JAKMIP2: variants seen among roughly 807,000 people sequenced by gnomAD.
JAKMIP2 encodes janus kinase and microtubule interacting protein 2, also known as janus kinase and microtubule-interacting protein 2.
In JAKMIP2, 25 loss-of-function variants were observed where a neutral mutation model predicts 115.0. The ratio of observed to expected loss-of-function variants is 0.22; its 90% CI spans 0.16 to 0.30. The LOEUF is 0.30. Ranked by LOEUF, JAKMIP2 falls within the 10% of genes least tolerant of loss-of-function variation. JAKMIP2 has a pLI of 1.00. For missense variants in JAKMIP2, 642 were observed against 957.6 expected (o/e 0.67, Z 4.35); for synonymous variants, 334 against 343.6 (o/e 0.97, Z 0.31).
intron 17 of JAKMIP2, among the ~76,000 whole-genome samples, chr5:147,622,281 C>A (rs531986062): frequency 6.6e-6 from 1 of 152,108 alleles, no homozygotes; most frequent in Non-Finnish European, 1.5e-5. Flanking sequence ...ACATTTACAA[C>A]CTTACTCATT....
intron 1 of JAKMIP2, among the ~76,000 whole-genome samples, chr5:147,771,528 AT>A (rs1561586477): frequency 6.6e-6 from 1 of 152,108 alleles, no homozygotes; most frequent in Non-Finnish European, 1.5e-5. Flanking sequence ...AATAGTTCCT[AT>A]TTGCTAATAT....
intron 1 of JAKMIP2, among the ~76,000 whole-genome samples, chr5:147,697,725 G>T (rs572605854): frequency 6.6e-6 from 1 of 152,346 alleles, no homozygotes; most frequent in Non-Finnish European, 1.5e-5. Context: ...TGATGAGCCT[G>T]CTGGTGCATA....
intron 1 of JAKMIP2, among the ~76,000 whole-genome samples, chr5:147,780,672 A>G (rs746082680): frequency 1.3e-5 from 2 of 152,192 alleles, no homozygotes; most frequent in Non-Finnish European, 2.9e-5. Context: ...CACATGCACA[A>G]TTGAGTCACC....
chr5:147,667,996 A>G (rs1759388943), intron 2 of JAKMIP2, among the ~76,000 whole-genome samples: 1 of 152,186 alleles, frequency 6.6e-6, no homozygotes, highest in Admixed American at 6.5e-5. Context: ...CTTGGAGCAA[A>G]TGAGTTAAAC....
intron 1 of JAKMIP2, among the ~76,000 whole-genome samples, chr5:147,696,536 G>C (rs1374387481): frequency 1.3e-5 from 2 of 152,118 alleles, no homozygotes; most frequent in Non-Finnish European, 2.9e-5. Flanking sequence ...ACCCAGTCTT[G>C]GGTATTTCTT....
chr5:147,591,350 G>C lies in JAKMIP2; in HGVS notation c.*357C>G, dbSNP rs1755087768. 1.0e-5 allele frequency: 3 copies of C among 296,812 alleles called. No individual in the cohort carries two copies. Among genetic ancestry groups the C allele is most frequent in the Non-Finnish European group, 1.8e-5 (3 of 162,780 alleles). The allele number at this position is 296,812 out of a possible 1,614,324, so 18.4% of individuals were successfully genotyped here. A position where few individuals can be genotyped will look rare whatever the true frequency, so the allele number is the denominator to read the frequency against. ...GGGTTGAATATTTCATTGTAACTTTGGTTCCATGCCCAAGACACATCTTTG... is the reference window on the plus strand; with the variant it reads ...GGGTTGAATATTTCATTGTAACTTTCGTTCCATGCCCAAGACACATCTTTG... On this transcript the variant is annotated 3_prime_UTR_variant, in exon 22 of 22. Transcript: ENST00000616793.
intron 1 of JAKMIP2, among the ~76,000 whole-genome samples, chr5:147,739,763 T>C (rs1754071119): frequency 1.3e-5 from 2 of 152,010 alleles, no homozygotes; most frequent in South Asian, 4.2e-4. Flanking sequence ...CAAGAAGACA[T>C]CCTTTCCCGC....
intron 5 of JAKMIP2, among the ~76,000 whole-genome samples, chr5:147,647,463 G>A (rs1758184537): frequency 6.6e-6 from 1 of 152,028 alleles, no homozygotes; most frequent in Non-Finnish European, 1.5e-5. Context: ...TGTACCACAA[G>A]TGATGATAAA....
intron 1 of JAKMIP2, among the ~76,000 whole-genome samples, chr5:147,687,516 G>A (rs966743292): frequency 6.6e-6 from 1 of 152,108 alleles, no homozygotes; most frequent in Non-Finnish European, 1.5e-5. Flanking sequence ...TTTGCCCTGT[G>A]GTCCTGGCAA....
chr5:147,597,907 C>T (rs1372075830), intron 21 of JAKMIP2, among the ~76,000 whole-genome samples: 1 of 152,150 alleles, frequency 6.6e-6, no homozygotes. Flanking sequence ...GGGACTTGCA[C>T]CAGCAGCCTC....
intron 2 of JAKMIP2, among the ~76,000 whole-genome samples, chr5:147,667,304 A>C (rs1490977362): frequency 1.3e-5 from 2 of 152,214 alleles, no homozygotes; most frequent in African/African-American, 4.8e-5. Context: ...AGGAAAGGTT[A>C]CACTATGACA....
chr5:147,719,043 TTG>T (rs1439610829), intron 1 of JAKMIP2, among the ~76,000 whole-genome samples: 2 of 139,640 alleles, frequency 1.4e-5, no homozygotes, highest in Non-Finnish European at 1.5e-5. Context: ...TTCTGGTATG[TTG>T]TGTCTTTGTT....
At chr5:147,752,126 T>C in intron 1 of JAKMIP2, among the ~76,000 whole-genome samples, 1 of 152,158 alleles carries the variant, frequency 6.6e-6, no homozygotes. Flanking sequence ...CAGGAAGGCT[T>C]CTCTCAGGGA....
At chr5:147,610,559 C>CA (rs1756262941) in intron 20 of JAKMIP2, among the ~76,000 whole-genome samples, 1 of 152,210 alleles carries the variant, frequency 6.6e-6, no homozygotes, top group Non-Finnish European at 1.5e-5. Flanking sequence ...ATGGAAGCTT[C>CA]GTCCCTGAAG....
chr5:147,663,886 A>C (rs1759160389), intron 2 of JAKMIP2, among the ~76,000 whole-genome samples: 1 of 151,972 alleles, frequency 6.6e-6, no homozygotes, highest in South Asian at 2.1e-4. Flanking sequence ...TAGGCTCTAG[A>C]CTTGTGCTTG....
chr5:147,697,426 G>A (rs187010548), intron 1 of JAKMIP2, among the ~76,000 whole-genome samples: 113 of 152,290 alleles, frequency 7.4e-4, no homozygotes, highest in African/African-American at 2.6e-3. Context: ...TTTGAATGGG[G>A]ACACAGCCAA....
Position 147,746,914 on chromosome 5 carries a change from G to A in JAKMIP2, c.-149+35542C>T, listed in dbSNP as rs570615882. Among the ~76,000 whole-genome samples, 7 of 152,144 alleles carry A rather than the reference G, an allele frequency of 4.6e-5. No homozygotes were observed. In the South Asian group the frequency reaches 1.2e-3, roughly 27 times the overall value. The stretch of plus-strand genomic sequence containing the variant: ...CTATTTATTCTGCTAATTAAAAAAC[G>A]AAGTCACCAAATAAGCCAGTGCCCA... On this transcript the variant is annotated intron_variant, in intron 1 of 21. Coordinates refer to ENST00000616793, the MANE Select transcript of JAKMIP2 (RefSeq NM_001270941.2).
chr5:147,762,673 G>T (rs1030478999), intron 1 of JAKMIP2, among the ~76,000 whole-genome samples: 24 of 152,024 alleles, frequency 1.6e-4, no homozygotes, highest in Non-Finnish European at 2.8e-4. Context: ...TCCCTAAAGG[G>T]CCTATCTCCA....
At chr5:147,648,530 G>T in intron 4 of JAKMIP2, 56 bp from the exon 5 acceptor site, 1 of 942,456 alleles carries the variant, frequency 1.1e-6, no homozygotes, top group Non-Finnish European at 1.7e-6. Context: ...ACAAAGTTTG[G>T]GAATATCACT....
Sources: gnomAD v4.1 joint callset for allele counts (sites outside exome capture counted in the v4.1 genomes callset) on GRCh38, gnomAD v4.1.1 for gene constraint, MANE v1.5 for transcripts, NCBI Gene and HGNC (gene_info 2026-07-23, HGNC 2026-07-21) for gene names.